The following SPART variants were observed in gnomAD, a reference collection of about 807,000 sequenced individuals.
SPART encodes the protein spastic paraplegia 20 (Troyer syndrome).
SPART carries 35 observed loss-of-function variants against 58.7 expected under a neutral mutation model. That is an observed-to-expected ratio of 0.60 (90% CI 0.46 to 0.79). The LOEUF (loss-of-function observed/expected upper bound fraction) is 0.79. SPART is among the 30% of genes least tolerant of loss of function. SPART has a pLI of 0.00. For missense variants in SPART, 730 were observed against 786.1 expected, an observed-to-expected ratio of 0.93 and a Z score of 0.85; for synonymous variants, 284 against 280.7, an observed-to-expected ratio of 1.01 and a Z score of -0.12.
At chr13:36,352,016 C>T (rs1404912476) in intron 1 of SPART, among the ~76,000 whole-genome samples, 1 of 152,124 alleles carries the variant, frequency 6.6e-6, no homozygotes, top group African/African-American at 2.4e-5. Flanking sequence ...AACCGAATTG[C>T]TCCAAGCTCA....
At chr13:36,358,471 G>A (rs1312675134) in intron 1 of SPART, among the ~76,000 whole-genome samples, 2 of 152,112 alleles carry the variant, frequency 1.3e-5, no homozygotes, top group South Asian at 4.1e-4. Context: ...AGTTTGGCTC[G>A]AACAATTGGT....
Position 36,302,450 on chromosome 13 carries a change from G to A in SPART, c.*1915C>T, listed in dbSNP as rs1423657133. On this transcript the variant is annotated 3_prime_UTR_variant, in exon 9 of 9. Transcript: ENST00000438666. ...CACGTTGAACTAGACAGCAGCCATA[G>A]CCAATATGTAAACAAATGGGTACAG... 2.0e-5 allele frequency: 3 copies of A among 152,176 alleles called. No homozygotes were observed. The highest frequency in any genetic ancestry group is 2.4e-5 in the African/African-American group (1 of 41,436). 9.4% of individuals were successfully genotyped at this position (152,176 alleles called of 1,614,324 possible). A position where few individuals can be genotyped will look rare whatever the true frequency, so the allele number is the denominator to read the frequency against.
chr13:36,365,243 TA>T lies in SPART; in HGVS notation c.-3+4845del, dbSNP rs1218167092. Among the ~76,000 whole-genome samples the T allele has an allele frequency of 3.3e-5, 5 of 152,206 alleles. No individual in the cohort carries two copies. The East Asian group carries it at 7.7e-4, about 23-fold the overall frequency. ...TTATAGGAGCAACAGATGGTTAAAGTAAAAAAAAATTATACAGTGCAAAGAA... is the reference window on the plus strand; with the variant it reads ...TTATAGGAGCAACAGATGGTTAAAGTAAAAAAAATTATACAGTGCAAAGAA... On this transcript the variant is annotated intron_variant, in intron 1 of 8. Coordinates refer to the SPART transcript ENST00000355182.
chr13:36,344,605 T>G (rs1884887473), intron 1 of SPART, among the ~76,000 whole-genome samples: 2 of 152,210 alleles, frequency 1.3e-5, no homozygotes, highest in African/African-American at 4.8e-5. Flanking sequence ...ATTTTGTGAC[T>G]GGGATTTGCT....
chr13:36,317,438 C>T lies in SPART; in HGVS notation c.1289-3017G>A, dbSNP rs542440574. On this transcript the variant is annotated intron_variant, in intron 5 of 8. Coordinates refer to ENST00000438666, the MANE Select transcript of SPART (RefSeq NM_015087.5). ...ATTTCCGTGCCCCAACCTCTTATAT[C>T]TCTGTGCCCCAATCCCTTATTTCTG... Among the ~76,000 whole-genome samples, 35 of 151,706 alleles carry T rather than the reference C, an allele frequency of 2.3e-4. 1 individual carries two copies. Among genetic ancestry groups the T allele is most frequent in the Non-Finnish European group, 1.5e-5 (1 of 67,916 alleles).
rs751877879 is a variant in SPART at position 36,304,428 on chromosome 13, G to A, written c.1938C>T (p.Asn646=). 3.3e-5 allele frequency: 53 copies of A among 1,613,580 alleles called. No individual in the cohort carries two copies. In the Admixed American group the frequency reaches 3.3e-4, roughly 10 times the overall value. Residue 646 remains asparagine (N), a synonymous_variant, in exon 9 of 9, where the codon AAC becomes AAT. Coordinates refer to ENST00000438666, the MANE Select transcript of SPART (RefSeq NM_015087.5). ...TCTGCTCATCCTTCTCCCCTCTCACGTTGACATTTGCTGCTCCTTCTTGAT... is the reference window on the plus strand; with the variant it reads ...TCTGCTCATCCTTCTCCCCTCTCACATTGACATTTGCTGCTCCTTCTTGAT... ...RENQEGAANV[N]VRGEKDEQTK...
intron 5 of SPART, among the ~76,000 whole-genome samples, chr13:36,315,687 C>A (rs761588318): frequency 6.6e-6 from 1 of 152,134 alleles, no homozygotes; most frequent in Non-Finnish European, 1.5e-5. Context: ...CTTCCATAAA[C>A]AACAAAAGGC....
At chr13:36,333,429 A>T (rs1017287005) in intron 2 of SPART, among the ~76,000 whole-genome samples, 24 of 132,342 alleles carry the variant, frequency 1.8e-4, no homozygotes, top group African/African-American at 4.9e-4. Flanking sequence ...TTATTATTGT[A>T]TTTTTTTTTT....
chr13:36,312,710 T>C (rs1172488479), intron 6 of SPART: 4 of 566,728 alleles, frequency 7.1e-6, no homozygotes, highest in Non-Finnish European at 1.2e-5. Flanking sequence ...CCTGAGTAGC[T>C]GGGACTACAG....
chr13:36,347,595 C>T (rs1188561310), upstream of SPART, among the ~76,000 whole-genome samples: 1 of 152,100 alleles, frequency 6.6e-6, no homozygotes, highest in East Asian at 1.9e-4. Context: ...AGAAAGGTAG[C>T]AGTCAGTCAT....
intron 1 of SPART, among the ~76,000 whole-genome samples, chr13:36,341,754 T>C (rs1474788414): frequency 2.0e-5 from 3 of 152,214 alleles, no homozygotes; most frequent in East Asian, 1.9e-4. Context: ...GTCAGCCTTA[T>C]TATGCAACAA....
chr13:36,305,236 GCCTCA>G (rs1880400682), intron 8 of SPART, among the ~76,000 whole-genome samples: 1 of 151,998 alleles, frequency 6.6e-6, no homozygotes, highest in Non-Finnish European at 1.5e-5. Context: ...ATAGCTCTCT[GCCTCA>G]CCTTCTTCAA....
chr13:36,331,348 G>A (rs1883437460), intron 3 of SPART, 51 bp downstream of exon 3: 3 of 1,475,236 alleles, frequency 2.0e-6, no homozygotes, highest in Non-Finnish European at 2.8e-6. Flanking sequence ...AAGCTGAAGT[G>A]CTTATGTTAA....
chr13:36,307,810 TAATG>T (rs1880667969), intron 8 of SPART, among the ~76,000 whole-genome samples: 1 of 152,096 alleles, frequency 6.6e-6, no homozygotes, highest in Non-Finnish European at 1.5e-5. Context: ...AACTGAATCT[TAATG>T]AATATTTTTT....
chr13:36,328,055 G>A (rs1883119573), intron 4 of SPART, among the ~76,000 whole-genome samples: 1 of 152,126 alleles, frequency 6.6e-6, no homozygotes, highest in Admixed American at 6.5e-5. Context: ...GACAGGAATA[G>A]GGCCCAGACT....
chr13:36,350,332 G>A (rs1469534649), upstream of SPART, among the ~76,000 whole-genome samples: 4 of 152,144 alleles, frequency 2.6e-5, no homozygotes, highest in Non-Finnish European at 5.9e-5. Flanking sequence ...AACTATCTCC[G>A]TTTTATACTG....
At chr13:36,321,946 G>A (rs9547261) in intron 5 of SPART, among the ~76,000 whole-genome samples, 87,888 of 150,526 alleles carry the variant, frequency 0.58, 26,859 homozygotes, top group Non-Finnish European at 0.69. Context: ...TCCTTTTCCT[G>A]GCTCATCCTG....
At chr13:36,328,977 G>A (rs1002254500) in intron 4 of SPART, among the ~76,000 whole-genome samples, 2 of 152,166 alleles carry the variant, frequency 1.3e-5, no homozygotes, top group African/African-American at 2.4e-5. Context: ...GCTCATGTCT[G>A]TAATGCTGGC....
intron 8 of SPART, among the ~76,000 whole-genome samples, chr13:36,310,436 A>G (rs758858977): frequency 6.6e-6 from 1 of 152,166 alleles, no homozygotes; most frequent in African/African-American, 2.4e-5. Flanking sequence ...AGCTAAAAGC[A>G]GAAGACCCTG....
Sources: gnomAD v4.1 joint callset for allele counts (sites outside exome capture counted in the v4.1 genomes callset) on GRCh38, gnomAD v4.1.1 for gene constraint, MANE v1.5 for transcripts, NCBI Gene and HGNC (gene_info 2026-07-23, HGNC 2026-07-21) for gene names.